The following LARS2 variants were observed in gnomAD, a reference collection of about 807,000 sequenced individuals.
LARS2 encodes the protein leucyl-tRNA synthetase 2, mitochondrial.
Under a neutral mutation model 116.6 loss-of-function variants are expected in LARS2, and 81 were observed. The ratio of observed to expected loss-of-function variants is 0.69; its 90% confidence interval spans 0.58 to 0.84. LARS2 has a LOEUF of 0.84. Among genes scored for constraint, LARS2 ranks in the 40% least tolerant of loss-of-function variants. LARS2 has a pLI of 0.00. For missense variants in LARS2, 968 were observed against 1,114.5 expected (o/e 0.87, Z 1.87); for synonymous variants, 396 against 407.2 (o/e 0.97, Z 0.33).
chr3:45,544,988 C>G (rs969021614), intron 21 of LARS2, among the ~76,000 whole-genome samples: 1 of 152,028 alleles, frequency 6.6e-6, no homozygotes, highest in African/African-American at 2.4e-5. Flanking sequence ...AGGCCAGACA[C>G]CCCTCAGAGG....
intron 6 of LARS2, among the ~76,000 whole-genome samples, chr3:45,420,358 C>G (rs1698495478): frequency 6.6e-6 from 1 of 152,198 alleles, no homozygotes; most frequent in Non-Finnish European, 1.5e-5. Flanking sequence ...GAAGAATAGT[C>G]TGTTAGGTAA....
intron 4 of LARS2, among the ~76,000 whole-genome samples, chr3:45,404,698 C>T (rs1698204427): frequency 1.3e-5 from 2 of 152,164 alleles, no homozygotes; most frequent in Non-Finnish European, 2.9e-5. Context: ...CAGGTTCAAG[C>T]AGTTCTCCTG....
intron 4 of LARS2, among the ~76,000 whole-genome samples, chr3:45,411,390 G>A (rs1698328304): frequency 6.6e-6 from 1 of 152,220 alleles, no homozygotes; most frequent in Non-Finnish European, 1.5e-5. Context: ...GAGTAAACAA[G>A]CTATTTAGAT....
intron 8 of LARS2, among the ~76,000 whole-genome samples, chr3:45,461,936 G>A (rs1394034185): frequency 6.6e-6 from 1 of 152,128 alleles, no homozygotes; most frequent in Non-Finnish European, 1.5e-5. Context: ...GGATTATTTG[G>A]GAAATTATTT....
intron 20 of LARS2, among the ~76,000 whole-genome samples, chr3:45,525,264 T>C (rs544947097): frequency 6.6e-6 from 1 of 152,372 alleles, no homozygotes; most frequent in East Asian, 1.9e-4. Flanking sequence ...TTTATTTCGC[T>C]TTCATTGTAA....
chr3:45,391,204 G>A (rs767217220), intron 1 of LARS2, among the ~76,000 whole-genome samples: 47 of 151,858 alleles, frequency 3.1e-4, no homozygotes, highest in Non-Finnish European at 5.4e-4. Flanking sequence ...TTCATCTGTG[G>A]TCCAGATGCG....
chr3:45,507,929 G>C (rs940251029), intron 15 of LARS2, among the ~76,000 whole-genome samples: 4 of 152,014 alleles, frequency 2.6e-5, no homozygotes, highest in African/African-American at 4.8e-5. Context: ...TTGTGGGTGT[G>C]GGGTAGGATC....
At chr3:45,395,175 A>C (rs985166290) in intron 3 of LARS2, among the ~76,000 whole-genome samples, 32 of 152,210 alleles carry the variant, frequency 2.1e-4, no homozygotes, top group African/African-American at 7.2e-4. Context: ...TGTTCTGAGA[A>C]GTAACTGCCC....
intron 4 of LARS2, among the ~76,000 whole-genome samples, chr3:45,409,698 G>A (rs1348292578): frequency 3.3e-5 from 5 of 152,122 alleles, no homozygotes; most frequent in African/African-American, 1.2e-4. Context: ...GAAACAAAGA[G>A]ACCCTTTCCA....
At chr3:45,474,929 G>C (rs779784668) in intron 9 of LARS2, among the ~76,000 whole-genome samples, 4 of 152,202 alleles carry the variant, frequency 2.6e-5, no homozygotes, top group Non-Finnish European at 4.4e-5. Flanking sequence ...AGAGCTTAGG[G>C]ATTGTGTTTG....
At chr3:45,453,839 A>G (rs1013137067) in intron 7 of LARS2, among the ~76,000 whole-genome samples, 2 of 152,314 alleles carry the variant, frequency 1.3e-5, no homozygotes, top group African/African-American at 4.8e-5. Context: ...CAGTATATTC[A>G]GAAAAGGTCT....
At chr3:45,410,272 T>G (rs1327205337) in intron 4 of LARS2, among the ~76,000 whole-genome samples, 2 of 151,986 alleles carry the variant, frequency 1.3e-5, no homozygotes, top group Non-Finnish European at 2.9e-5. Context: ...TTGCAGAACT[T>G]TCTAGTAATA....
intron 15 of LARS2, among the ~76,000 whole-genome samples, chr3:45,505,017 G>T (rs1200487045): frequency 6.6e-6 from 1 of 151,668 alleles, no homozygotes; most frequent in African/African-American, 2.4e-5. Flanking sequence ...GGAGGCGGAG[G>T]CTGCAGTGAG....
intron 17 of LARS2, among the ~76,000 whole-genome samples, chr3:45,517,480 A>G (rs1700385903): frequency 6.6e-6 from 1 of 152,256 alleles, no homozygotes; most frequent in Non-Finnish European, 1.5e-5. Flanking sequence ...TGTGGCTGCA[A>G]GCACAGTCAT....
intron 3 of LARS2, among the ~76,000 whole-genome samples, chr3:45,396,573 T>C (rs1290726398): frequency 6.6e-6 from 1 of 152,244 alleles, no homozygotes; most frequent in East Asian, 1.9e-4. Flanking sequence ...TCAGATTCAC[T>C]TGAAATCCAC....
At chr3:45,482,562 T>C (rs1170188076) in intron 10 of LARS2, among the ~76,000 whole-genome samples, 1 of 152,226 alleles carries the variant, frequency 6.6e-6, no homozygotes, top group African/African-American at 2.4e-5. Flanking sequence ...AGATATAAAA[T>C]GATAATACTT....
At chr3:45,484,786 C>T (rs1699778079) in intron 10 of LARS2, among the ~76,000 whole-genome samples, 1 of 150,182 alleles carries the variant, frequency 6.7e-6, no homozygotes, top group Non-Finnish European at 1.5e-5. Flanking sequence ...TCAACTGAGC[C>T]AAATACATTT....
chr3:45,543,754 G>A (rs375573715), intron 21 of LARS2, among the ~76,000 whole-genome samples: 6 of 152,158 alleles, frequency 3.9e-5, no homozygotes, highest in Non-Finnish European at 5.9e-5. Flanking sequence ...AGGAGCCACC[G>A]CACCCAGCCC....
chr3:45,485,960 A>G (rs1699959981), intron 11 of LARS2, among the ~76,000 whole-genome samples, 164 bp downstream of exon 11: 1 of 152,106 alleles, frequency 6.6e-6, no homozygotes, highest in Non-Finnish European at 1.5e-5. Flanking sequence ...CTTGTTTCAG[A>G]ACTACATTTT....
Sources: gnomAD v4.1 joint callset for allele counts (sites outside exome capture counted in the v4.1 genomes callset) on GRCh38, gnomAD v4.1.1 for gene constraint, MANE v1.5 for transcripts, NCBI Gene and HGNC (gene_info 2026-07-23, HGNC 2026-07-21) for gene names.